TATDN2: variants seen among roughly 807,000 people sequenced by gnomAD.
TATDN2 encodes the protein TatD DNase domain containing 2.
In TATDN2, 44 loss-of-function variants were observed where a neutral mutation model predicts 60.3. That is an observed-to-expected ratio of 0.73 (90% CI 0.57 to 0.94). The LOEUF is 0.94. TATDN2 is among the 40% of genes least tolerant of loss of function. The pLI, the probability that TATDN2 is intolerant of heterozygous loss-of-function variation, is 0.00. For synonymous variants in TATDN2, 399 were observed against 355.8 expected (o/e 1.12, Z -1.37); for missense variants, 997 against 948.0 (o/e 1.05, Z -0.68).
In TATDN2 at chr3:10,249,334, G is replaced by C; in HGVS notation, c.134G>C (p.Arg45Pro). Residue 45 changes from arginine to proline, a missense_variant, in exon 2 of 8, where the codon CGT becomes CCT. Arg to Pro is a moderately radical substitution (Grantham distance 103). Transcript: ENST00000448281. ...CGGCCAGCTCAGAGGTCTGCGTCGC[G>C]TTCTGGAGGGCCCAGCAGCCCCAAG... The part of the protein sequence containing the change: ...SSRPAQRSAS[R>P]SGGPSSPKRL... 6.2e-7 allele frequency: 1 copy of C among 1,612,088 alleles called. No homozygotes were observed. The highest frequency in any genetic ancestry group is 8.5e-7 in the Non-Finnish European group (1 of 1,178,710).
intron 2 of TATDN2, 147 bp from the exon 3 acceptor site, chr3:10,259,990 C>CT (rs1301834679): frequency 1.1e-6 from 1 of 909,886 alleles, no homozygotes; most frequent in African/African-American, 1.7e-5. Flanking sequence ...TACAGTGCCA[C>CT]TTCACCACCC....
At chr3:10,263,917 C>T (rs1291339332) in intron 3 of TATDN2, among the ~76,000 whole-genome samples, 6 of 152,136 alleles carry the variant, frequency 3.9e-5, no homozygotes, top group African/African-American at 7.2e-5. Flanking sequence ...AGGAAAGCCT[C>T]GAGACTGGTC....
In TATDN2 at chr3:10,248,930, T is replaced by A; in HGVS notation, c.-144T>A. The A allele has an allele frequency of 2.5e-6, 1 of 397,666 alleles. No homozygotes were observed. Among genetic ancestry groups the A allele is most frequent in the African/African-American group, 2.1e-5 (1 of 48,602 alleles). The allele number at this position is 397,666 out of a possible 1,614,324, so 24.6% of individuals were successfully genotyped here. A position where few individuals can be genotyped will look rare whatever the true frequency, so the allele number is the denominator to read the frequency against. ...AGCGCTGGGCAAAGTGAAGGCTTCCTGATCTCAGAAGCACGTTGTGGGCTT... is the reference window on the plus strand; with the variant it reads ...AGCGCTGGGCAAAGTGAAGGCTTCCAGATCTCAGAAGCACGTTGTGGGCTT... On this transcript the variant is annotated 5_prime_UTR_variant, in exon 1 of 8. Coordinates refer to ENST00000448281, the MANE Select transcript of TATDN2 (RefSeq NM_014760.4).
intron 2 of TATDN2, among the ~76,000 whole-genome samples, chr3:10,250,791 T>C (rs1288190251): frequency 1.3e-5 from 2 of 152,216 alleles, no homozygotes; most frequent in Admixed American, 1.3e-4. Flanking sequence ...TTGTCTCAAA[T>C]CAGGTAAGTA....
At position 10,270,602 on chromosome 3, in the gene TATDN2, T is replaced by G; in HGVS notation, c.1420T>G (p.Cys474Gly). Residue 474 changes from cysteine to glycine, a missense_variant, in exon 4 of 8, where the codon TGT becomes GGT. Coordinates refer to ENST00000448281, the MANE Select transcript of TATDN2 (RefSeq NM_014760.4). ...CCAAGAGGAGATGCCTCCGCGTCCT[T>G]GTGGAGGACACGCATCCAGCTCCCT... ...TFQEEMPPRP[C>G]GGHASSSLPK... is the part of the protein sequence containing the mutation. The G allele has an allele frequency of 6.2e-7, 1 of 1,614,188 alleles. No homozygotes were observed. The highest frequency in any genetic ancestry group is 2.2e-5 in the East Asian group (1 of 44,886).
intron 2 of TATDN2, among the ~76,000 whole-genome samples, chr3:10,254,747 A>G (rs927468170): frequency 6.6e-6 from 1 of 152,108 alleles, no homozygotes; most frequent in Non-Finnish European, 1.5e-5. Context: ...CAACATCTCC[A>G]CTTATCTTTC....
intron 2 of TATDN2, among the ~76,000 whole-genome samples, chr3:10,254,003 C>T (rs751643101): frequency 3.9e-5 from 6 of 152,214 alleles, no homozygotes; most frequent in Non-Finnish European, 7.3e-5. Context: ...TGCCAGGGTC[C>T]CTCCCTTGCG....
intron 3 of TATDN2, among the ~76,000 whole-genome samples, chr3:10,263,255 G>T (rs950664226): frequency 6.6e-6 from 1 of 151,828 alleles, no homozygotes; most frequent in South Asian, 2.1e-4. Flanking sequence ...TTGATCTCAG[G>T]GCTCTGAAAT....
rs1404019526 is a variant in TATDN2 at position 10,270,501 on chromosome 3, G to C, written c.1319G>C (p.Gly440Ala). 1 of 1,614,244 alleles carries C rather than the reference G, an allele frequency of 6.2e-7. No individual in the cohort carries two copies. Among genetic ancestry groups the C allele is most frequent in the Non-Finnish European group, 8.5e-7 (1 of 1,180,038 alleles). ...TSRDMEASEE[G>A]WSQNSRSFRF... is the part of the protein sequence containing the mutation. ...AGAGACATGGAGGCCTCAGAGGAAG[G>C]CTGGTCCCAGAATTCTCGTTCATTT... Residue 440 changes from glycine to alanine, a missense_variant, in exon 4 of 8, where the codon GGC (glycine) becomes GCC (alanine). By Grantham distance (60) the Gly-to-Ala change is moderately conservative. Coordinates refer to ENST00000448281, the MANE Select transcript of TATDN2 (RefSeq NM_014760.4).
Position 10,253,621 on chromosome 3 carries a change from A to G in TATDN2, c.414+4007A>G, listed in dbSNP as rs187737012. On this transcript the variant is annotated intron_variant, in intron 2 of 7. Coordinates refer to ENST00000448281, the MANE Select transcript of TATDN2 (RefSeq NM_014760.4). ...AATGTCTACATTCAATTTAGAGTTG[A>G]AAGAATGGAAGGGAAAATTTGAGCA... Among the ~76,000 whole-genome samples the G allele has an allele frequency of 1.8e-3, 279 of 152,350 alleles. 2 individuals are homozygous for G. Among genetic ancestry groups the G allele is most frequent in the African/African-American group, 6.5e-3 (269 of 41,578 alleles).
intron 4 of TATDN2, among the ~76,000 whole-genome samples, chr3:10,272,546 C>G (rs1429148757): frequency 1.3e-5 from 2 of 151,944 alleles, no homozygotes; most frequent in Non-Finnish European, 2.9e-5. Context: ...TCAAGCGATT[C>G]TCTTGCCTCA....
At chr3:10,274,569 T>C (rs1417189283) in intron 4 of TATDN2, among the ~76,000 whole-genome samples, 2 of 152,182 alleles carry the variant, frequency 1.3e-5, no homozygotes, top group Non-Finnish European at 2.9e-5. Flanking sequence ...AATGTTGGAA[T>C]TGGAATCTCT....
chr3:10,255,875 G>A (rs1362228998), intron 2 of TATDN2, among the ~76,000 whole-genome samples: 1 of 152,186 alleles, frequency 6.6e-6, no homozygotes, highest in African/African-American at 2.4e-5. Flanking sequence ...CTGAGAGGCG[G>A]AGGTTGTAAG....
intron 2 of TATDN2, among the ~76,000 whole-genome samples, chr3:10,256,294 T>C (rs1326653996): frequency 6.6e-6 from 1 of 152,042 alleles, no homozygotes; most frequent in African/African-American, 2.4e-5. Flanking sequence ...CTGTCTCAGC[T>C]CCTGGAGTAG....
chr3:10,274,481 G>A (rs1257250077), intron 4 of TATDN2, among the ~76,000 whole-genome samples: 1 of 152,192 alleles, frequency 6.6e-6, no homozygotes. Context: ...ATGTTTAACA[G>A]CTGTGTAATA....
Position 10,251,665 on chromosome 3 carries a change from T to C in TATDN2, c.414+2051T>C, listed in dbSNP as rs568119816. Among the ~76,000 whole-genome samples, 52 of 151,834 alleles carry C rather than the reference T, an allele frequency of 3.4e-4. No homozygotes were observed. The East Asian group carries it at 0.01, about 29-fold the overall frequency. On this transcript the variant is annotated intron_variant, in intron 2 of 7. Coordinates refer to ENST00000448281, the MANE Select transcript of TATDN2 (RefSeq NM_014760.4). The stretch of plus-strand genomic sequence containing the variant: ...CCTCCCAAAGTGCTGGGATTACAGG[T>C]GTGAGCCACCATGCCCGGCCAATTG...
intron 4 of TATDN2, among the ~76,000 whole-genome samples, chr3:10,275,487 C>T (rs1044690138): frequency 6.6e-6 from 1 of 152,190 alleles, no homozygotes; most frequent in African/African-American, 2.4e-5. Context: ...GCGGCTCATG[C>T]CTGTAATCCC....
At chr3:10,262,637 G>T (rs1698423623) in intron 3 of TATDN2, among the ~76,000 whole-genome samples, 1 of 142,744 alleles carries the variant, frequency 7.0e-6, no homozygotes, top group South Asian at 2.3e-4. Flanking sequence ...CTGGGTTCAA[G>T]TGATTCTCCT....
chr3:10,259,257 A>G (rs370230), intron 2 of TATDN2, among the ~76,000 whole-genome samples: 149,954 of 152,300 alleles, frequency 0.98, 73,845 homozygotes, highest in Middle Eastern at 1. Context: ...TCGGCTTCCC[A>G]AAGTGCTGGA....
Sources: allele counts gnomAD v4.1 joint callset (sites outside exome capture counted in the v4.1 genomes callset), GRCh38; gene constraint gnomAD v4.1.1; transcripts MANE v1.5; gene names NCBI Gene and HGNC (gene_info 2026-07-23, HGNC 2026-07-21).